Variants in PCDH15 observed in about 807,000 individuals in gnomAD.
PCDH15 encodes the protein protocadherin related 15, also known as protocadherin-15.
A neutral mutation model predicts 178.5 loss-of-function variants in PCDH15; 129 were observed. The observed-to-expected ratio is 0.72, with a 90% confidence interval of 0.63 to 0.84. The LOEUF is 0.84. Ranked by LOEUF, PCDH15 falls within the 40% of genes least tolerant of loss-of-function variation. PCDH15 has a pLI of 0.00. For missense variants in PCDH15, 2,230 were observed against 2,099.9 expected, an observed-to-expected ratio of 1.06 and a Z score of -1.21; for synonymous variants, 800 against 732.0, an observed-to-expected ratio of 1.09 and a Z score of -1.50.
intron 26 of PCDH15, among the ~76,000 whole-genome samples, chr10:53,891,117 G>A (rs985056938): frequency 6.7e-6 from 1 of 149,278 alleles, no homozygotes; most frequent in African/African-American, 2.5e-5. Flanking sequence ...TCGTGTTATA[G>A]ATCTCCTGTG....
At chr10:54,753,931 T>C (rs928286948) in intron 1 of PCDH15, among the ~76,000 whole-genome samples, 1 of 148,704 alleles carries the variant, frequency 6.7e-6, no homozygotes, top group Non-Finnish European at 1.5e-5. Context: ...TCTCGCTCTG[T>C]TGCCCAGGCT....
chr10:54,627,142 G>A (rs2093577714), intron 2 of PCDH15, among the ~76,000 whole-genome samples: 1 of 152,160 alleles, frequency 6.6e-6, no homozygotes, highest in South Asian at 2.1e-4. Flanking sequence ...GATTTTACAG[G>A]CTCATAGGCA....
chr10:54,676,013 C>T (rs1213219319), intron 1 of PCDH15, among the ~76,000 whole-genome samples: 1 of 151,964 alleles, frequency 6.6e-6, no homozygotes, highest in Non-Finnish European at 1.5e-5. Flanking sequence ...ATGCAAGGAT[C>T]GATAATTGAT....
chr10:54,359,049 T>C (rs1161041163), intron 5 of PCDH15, among the ~76,000 whole-genome samples: 1 of 148,416 alleles, frequency 6.7e-6, no homozygotes, highest in African/African-American at 2.5e-5. Context: ...TTAGGAGATA[T>C]ACCTAATGCT....
At chr10:55,205,103 T>C (rs1353952695) in intron 1 of PCDH15, among the ~76,000 whole-genome samples, 1 of 152,054 alleles carries the variant, frequency 6.6e-6, no homozygotes, top group East Asian at 1.9e-4. Context: ...TATATGCAAT[T>C]ATAAGAAGTA....
At chr10:54,443,853 C>T (rs1241422594) in intron 3 of PCDH15, among the ~76,000 whole-genome samples, 2 of 151,614 alleles carry the variant, frequency 1.3e-5, no homozygotes, top group East Asian at 3.9e-4. Context: ...CTTTTCCCAG[C>T]TCATAATTTC....
chr10:53,917,945 G>C (rs929885170), intron 25 of PCDH15, among the ~76,000 whole-genome samples: 4 of 152,026 alleles, frequency 2.6e-5, no homozygotes, highest in African/African-American at 9.7e-5. Flanking sequence ...GCCATATAAC[G>C]CACTGGCTCT....
At chr10:54,254,956 C>A (rs1346808140) in intron 8 of PCDH15, among the ~76,000 whole-genome samples, 1 of 152,136 alleles carries the variant, frequency 6.6e-6, no homozygotes, top group Non-Finnish European at 1.5e-5. Flanking sequence ...CAATTTATGT[C>A]TTCCACATAG....
chr10:54,548,481 C>A (rs1426092943), intron 2 of PCDH15, among the ~76,000 whole-genome samples: 2 of 147,102 alleles, frequency 1.4e-5, no homozygotes, highest in Non-Finnish European at 3.0e-5. Flanking sequence ...TAAATATCAC[C>A]TATTTATACT....
At chr10:54,871,324 T>C (rs1295697718) in intron 3 of PCDH15, among the ~76,000 whole-genome samples, 3 of 151,728 alleles carry the variant, frequency 2.0e-5, no homozygotes, top group African/African-American at 4.8e-5. Context: ...TTTGTATATA[T>C]ATGAGACTGT....
In PCDH15 at chr10:54,417,695, C is replaced by A. The variant is rs185371933; in HGVS notation, c.158-38753G>T. Among the ~76,000 whole-genome samples the A allele has an allele frequency of 4.1e-4, 62 of 152,152 alleles. 1 individual carries two copies. Among genetic ancestry groups the A allele is most frequent in the African/African-American group, 1.3e-3 (53 of 41,524 alleles). On this transcript the variant is annotated intron_variant, in intron 3 of 37. Transcript: ENST00000644397. ...GAAATAATATTATCACAAATATTAACAAACTTTGGATAGCTTTTTGATATC... is the reference window on the plus strand; with the variant it reads ...GAAATAATATTATCACAAATATTAAAAAACTTTGGATAGCTTTTTGATATC...
intron 3 of PCDH15, among the ~76,000 whole-genome samples, chr10:54,381,075 G>A (rs1949178727): frequency 1.3e-5 from 2 of 150,880 alleles, no homozygotes; most frequent in Admixed American, 6.6e-5. Flanking sequence ...AAAAAAAAAA[G>A]CCTCTCAAAT....
chr10:55,365,006 C>T (rs1226658178), intron 2 of PCDH15, among the ~76,000 whole-genome samples: 1 of 151,860 alleles, frequency 6.6e-6, no homozygotes, highest in African/African-American at 2.4e-5. Context: ...TCTGTCTTTC[C>T]ATGTGTTTCA....
intron 3 of PCDH15, among the ~76,000 whole-genome samples, chr10:54,842,752 T>C (rs1953440819): frequency 6.6e-6 from 1 of 151,804 alleles, no homozygotes; most frequent in South Asian, 2.1e-4. Context: ...TTGTATGGTA[T>C]TACCTCATAT....
intron 2 of PCDH15, among the ~76,000 whole-genome samples, chr10:54,586,866 A>G (rs115118494): frequency 0.013 from 1,965 of 152,306 alleles, 43 homozygotes; most frequent in African/African-American, 0.045. Context: ...TATTAGAAAC[A>G]TGGGTATATT....
At chr10:54,711,494 G>T (rs1297722868) in intron 1 of PCDH15, among the ~76,000 whole-genome samples, 1 of 151,738 alleles carries the variant, frequency 6.6e-6, no homozygotes, top group Admixed American at 6.6e-5. Context: ...AAAACAATAA[G>T]GACAACGTAC....
chr10:55,250,504 C>T (rs1437233614), intron 1 of PCDH15, among the ~76,000 whole-genome samples: 2 of 148,664 alleles, frequency 1.3e-5, no homozygotes. Flanking sequence ...CTAGTCAATA[C>T]CAAAATGACC....
At chr10:54,484,372 A>G (rs2078942471) in intron 3 of PCDH15, among the ~76,000 whole-genome samples, 1 of 151,922 alleles carries the variant, frequency 6.6e-6, no homozygotes, top group African/African-American at 2.4e-5. Flanking sequence ...ATGCTGTTCA[A>G]CCTTTAATAC....
chr10:54,104,410 G>A (rs1323183585), intron 15 of PCDH15, among the ~76,000 whole-genome samples: 2 of 152,110 alleles, frequency 1.3e-5, no homozygotes, highest in African/African-American at 4.8e-5. Context: ...TTGCAGGTCA[G>A]CCACTAGCAT....
Sources: gnomAD v4.1 joint callset for allele counts (sites outside exome capture counted in the v4.1 genomes callset) on GRCh38, gnomAD v4.1.1 for gene constraint, MANE v1.5 for transcripts, NCBI Gene and HGNC (gene_info 2026-07-23, HGNC 2026-07-21) for gene names.